Variants in PLXDC2 observed in about 807,000 individuals in gnomAD.
PLXDC2 encodes the protein plexin domain-containing protein 2.
In PLXDC2, 40 loss-of-function variants were observed where a neutral mutation model predicts 68.9. The observed-to-expected ratio is 0.58, with a 90% CI of 0.45 to 0.76. The LOEUF (loss-of-function observed/expected upper bound fraction) is 0.76. Ranked by LOEUF, PLXDC2 falls within the 30% of genes least tolerant of loss-of-function variation. PLXDC2 has a pLI of 0.00. For missense variants in PLXDC2, 644 were observed against 661.9 expected (o/e 0.97, Z 0.30); for synonymous variants, 243 against 234.2 (o/e 1.04, Z -0.34).
At chr10:20,070,294 G>T (rs1435552260) in intron 4 of PLXDC2, among the ~76,000 whole-genome samples, 1 of 152,110 alleles carries the variant, frequency 6.6e-6, no homozygotes, top group Non-Finnish European at 1.5e-5. Context: ...ACATTTAACT[G>T]GAAGAATATT....
At chr10:19,891,890 C>G (rs955597817) in intron 1 of PLXDC2, among the ~76,000 whole-genome samples, 4 of 152,076 alleles carry the variant, frequency 2.6e-5, no homozygotes, top group South Asian at 4.1e-4. Flanking sequence ...TTTGTTTTTA[C>G]AGAATAGGTT....
At chr10:20,194,862 T>C (rs910699289) in intron 9 of PLXDC2, among the ~76,000 whole-genome samples, 3 of 146,964 alleles carry the variant, frequency 2.0e-5, no homozygotes, top group African/African-American at 5.0e-5. Context: ...TGCTGATTTT[T>C]GTGAGCTTTG....
intron 12 of PLXDC2, among the ~76,000 whole-genome samples, chr10:20,232,876 C>T (rs951750697): frequency 6.6e-6 from 1 of 151,876 alleles, no homozygotes; most frequent in Admixed American, 6.6e-5. Context: ...TTCAAATATG[C>T]AAATTTGGCC....
At chr10:20,199,496 G>A (rs2131846457) in intron 9 of PLXDC2, among the ~76,000 whole-genome samples, 1 of 151,970 alleles carries the variant, frequency 6.6e-6, no homozygotes, top group African/African-American at 2.4e-5. Context: ...TTACTACACA[G>A]CAGTCAATAG....
At chr10:19,972,946 G>A (rs545024507) in intron 1 of PLXDC2, among the ~76,000 whole-genome samples, 1 of 152,066 alleles carries the variant, frequency 6.6e-6, no homozygotes, top group African/African-American at 2.4e-5. Context: ...ATCTAAAATT[G>A]TATGTTAACT....
Position 20,158,065 on chromosome 10 carries a change from T to TA in PLXDC2, c.784-6392dup, listed in dbSNP as rs566351186. 4.4e-3 allele frequency among the ~76,000 whole-genome samples: 646 copies of TA among 147,206 alleles called. 5 individuals carry two copies. Among genetic ancestry groups the TA allele is most frequent in the Non-Finnish European group, 2.4e-3 (160 of 66,440 alleles). On this transcript the variant is annotated intron_variant, in intron 6 of 13. Transcript: ENST00000377252. The stretch of plus-strand genomic sequence containing the variant: ...TTAAAAATAATAAAGCTACATTGTT[T>TA]AAAAAAAAAAACTTCTGTAGTTTAG...
At chr10:20,247,105 T>C (rs1470319566) in intron 13 of PLXDC2, among the ~76,000 whole-genome samples, 3 of 152,050 alleles carry the variant, frequency 2.0e-5, no homozygotes, top group African/African-American at 7.2e-5. Flanking sequence ...ATGCTTTGTC[T>C]CTGTACACAG....
chr10:20,153,068 C>G (rs1834172063), intron 6 of PLXDC2, among the ~76,000 whole-genome samples: 1 of 152,104 alleles, frequency 6.6e-6, no homozygotes, highest in Admixed American at 6.5e-5. Flanking sequence ...TTGCTATGGA[C>G]CTTTTCCTTA....
chr10:19,818,996 G>T (rs1836410905), intron 1 of PLXDC2, among the ~76,000 whole-genome samples: 1 of 150,758 alleles, frequency 6.6e-6, no homozygotes, highest in African/African-American at 2.5e-5. Context: ...TTATAAACCT[G>T]TTCCAGTAAC....
At chr10:20,117,463 C>T (rs1168774849) in intron 4 of PLXDC2, among the ~76,000 whole-genome samples, 1 of 152,028 alleles carries the variant, frequency 6.6e-6, no homozygotes, top group Non-Finnish European at 1.5e-5. Flanking sequence ...TATGAGAGAA[C>T]AAAGGAACAG....
intron 4 of PLXDC2, among the ~76,000 whole-genome samples, chr10:20,083,696 T>G (rs111965007): frequency 0.023 from 3,485 of 152,266 alleles, 54 homozygotes; most frequent in Non-Finnish European, 0.031. Flanking sequence ...TATTTCCAAA[T>G]TTTTTAGAGC....
At chr10:19,921,456 C>T (rs959090006) in intron 1 of PLXDC2, among the ~76,000 whole-genome samples, 3 of 152,178 alleles carry the variant, frequency 2.0e-5, no homozygotes, top group African/African-American at 7.2e-5. Flanking sequence ...CTATGACATT[C>T]ACTTAGGGAT....
chr10:19,905,603 G>T (rs1833145500), intron 1 of PLXDC2, among the ~76,000 whole-genome samples: 1 of 152,124 alleles, frequency 6.6e-6, no homozygotes, highest in Non-Finnish European at 1.5e-5. Context: ...CCTATACTGA[G>T]TGCTTTTTGG....
chr10:19,870,471 G>A (rs184856768), intron 1 of PLXDC2, among the ~76,000 whole-genome samples: 23 of 151,982 alleles, frequency 1.5e-4, no homozygotes, highest in Admixed American at 1.2e-3. Context: ...TGTTGTCCAG[G>A]TTGGAGTTCA....
chr10:19,819,031 T>TACACACACACACACACAC (rs63295361), intron 1 of PLXDC2, among the ~76,000 whole-genome samples: 80 of 147,834 alleles, frequency 5.4e-4, no homozygotes, highest in Middle Eastern at 3.4e-3. Flanking sequence ...AATATATGTA[T>TACACACACACACACACAC]ACACACACAC....
At chr10:20,052,059 A>G (rs1589606092) in intron 3 of PLXDC2, among the ~76,000 whole-genome samples, 1 of 152,012 alleles carries the variant, frequency 6.6e-6, no homozygotes, top group East Asian at 1.9e-4. Flanking sequence ...GACCACACAC[A>G]CAGTTAAAAC....
At position 19,975,116 on chromosome 10, in the gene PLXDC2, A is replaced by C. The variant is rs183867531; in HGVS notation, c.113-26659A>C. Among the ~76,000 whole-genome samples the C allele has an allele frequency of 2.1e-3, 323 of 152,264 alleles. 1 individual carries two copies. Among genetic ancestry groups the C allele is most frequent in the African/African-American group, 7.5e-3 (312 of 41,538 alleles). ...TCTACTTATATCTAAATAATATGGTAATAGTGCTAGCTCTGGTTTTTCACC... is the reference window on the plus strand; with the variant it reads ...TCTACTTATATCTAAATAATATGGTCATAGTGCTAGCTCTGGTTTTTCACC... On this transcript the variant is annotated intron_variant, in intron 1 of 13. Coordinates refer to ENST00000377252, the MANE Select transcript of PLXDC2 (RefSeq NM_032812.9).
At chr10:20,262,730 C>T (rs1010946704) in intron 13 of PLXDC2, among the ~76,000 whole-genome samples, 4 of 152,260 alleles carry the variant, frequency 2.6e-5, no homozygotes, top group Non-Finnish European at 5.9e-5. Context: ...ACTGGTGACA[C>T]CTACAGGTTC....
intron 1 of PLXDC2, among the ~76,000 whole-genome samples, chr10:19,891,773 C>G (rs1837968034): frequency 6.6e-6 from 1 of 152,058 alleles, no homozygotes; most frequent in African/African-American, 2.4e-5. Flanking sequence ...GAAGTAAAAC[C>G]CAAGTCTAAT....
Sources: gnomAD v4.1 joint callset for allele counts (sites outside exome capture counted in the v4.1 genomes callset) on GRCh38, gnomAD v4.1.1 for gene constraint, MANE v1.5 for transcripts, NCBI Gene and HGNC (gene_info 2026-07-23, HGNC 2026-07-21) for gene names.